IPO11: variants seen among roughly 807,000 people sequenced by gnomAD.
The protein encoded by IPO11 is importin-11.
IPO11 carries 66 observed loss-of-function variants against 143.2 expected under a neutral mutation model. The ratio of observed to expected loss-of-function variants is 0.46; its 90% CI spans 0.38 to 0.57. IPO11 has a LOEUF of 0.57. Ranked by LOEUF, IPO11 falls within the 20% of genes least tolerant of loss-of-function variation. IPO11 has a pLI of 0.00. For synonymous variants in IPO11, 385 were observed against 377.8 expected, an observed-to-expected ratio of 1.02 and a Z score of -0.22; for missense variants, 1,026 against 1,141.0, an observed-to-expected ratio of 0.90 and a Z score of 1.45.
chr5:62,543,672 T>G (rs1347967600), intron 24 of IPO11, among the ~76,000 whole-genome samples: 1 of 152,194 alleles, frequency 6.6e-6, no homozygotes, highest in African/African-American at 2.4e-5. Flanking sequence ...GGGTTTTTTG[T>G]GTCTCTATTT....
At chr5:62,519,420 A>G (rs1017865772) in intron 20 of IPO11, among the ~76,000 whole-genome samples, 8 of 152,104 alleles carry the variant, frequency 5.3e-5, no homozygotes, top group African/African-American at 1.7e-4. Flanking sequence ...TTCTCACTCT[A>G]ACATATTGTT....
At position 62,457,077 on chromosome 5, in the gene IPO11, C is replaced by T. The variant is rs115413607; in HGVS notation, c.516+5144C>T. Among the ~76,000 whole-genome samples the T allele has an allele frequency of 7.2e-3, 1,097 of 152,220 alleles. 14 individuals are homozygous for T. Among genetic ancestry groups the T allele is most frequent in the African/African-American group, 0.025 (1,032 of 41,526 alleles). On this transcript the variant is annotated intron_variant, in intron 5 of 29. Coordinates refer to ENST00000325324, the MANE Select transcript of IPO11 (RefSeq NM_016338.5). ...CCTGGGCAACAGAGCAAGACTCTGT[C>T]TCTGGGGTGGGGGGGAAAATATCTG... is the stretch of plus-strand genomic sequence containing the variant.
At chr5:62,431,934 C>CACATACATACATACATACATACAT (rs57913836) in intron 1 of IPO11, among the ~76,000 whole-genome samples, 20 of 148,686 alleles carry the variant, frequency 1.3e-4, no homozygotes, top group African/African-American at 5.0e-4. Context: ...GAGCAAGACT[C>CACATACATACATACATACATACAT]ACATACATAC....
intron 27 of IPO11, 87 bp from the exon 28 acceptor site, chr5:62,591,489 CA>C: frequency 1.4e-6 from 1 of 701,872 alleles, no homozygotes; most frequent in Non-Finnish European, 2.3e-6. Flanking sequence ...AATTTCTCTT[CA>C]TGTTCGAGAA....
Position 62,559,929 on chromosome 5 carries a change from AAAAAAAAAAAAAAG to A in IPO11, c.2461-1205_2461-1192del, listed in dbSNP as rs1375171026. Among the ~76,000 whole-genome samples, 146 of 147,150 alleles carry A rather than the reference AAAAAAAAAAAAAAG, an allele frequency of 9.9e-4. 2 individuals are homozygous for A. Among genetic ancestry groups the A allele is most frequent in the African/African-American group, 3.3e-3 (132 of 39,718 alleles). On this transcript the variant is annotated intron_variant, in intron 26 of 29. Transcript: ENST00000325324. Reference sequence around the variant, plus strand: ...GAAACTCTGTCTCAAAAAAAAAAAAAAAAAAAAAAAAAAGAGAGAGAAAAACAACTCTTAATTTG... The same window carrying A: ...GAAACTCTGTCTCAAAAAAAAAAAAAAGAGAGAAAAACAACTCTTAATTTG...
At chr5:62,447,874 C>G (rs1024509512) in intron 3 of IPO11, among the ~76,000 whole-genome samples, 1 of 151,918 alleles carries the variant, frequency 6.6e-6, no homozygotes, top group African/African-American at 2.4e-5. Context: ...GTCACCACGC[C>G]CAGCTAAATT....
intron 20 of IPO11, among the ~76,000 whole-genome samples, chr5:62,522,999 A>C (rs1031617781): frequency 1.1e-4 from 16 of 152,124 alleles, no homozygotes; most frequent in Non-Finnish European, 2.1e-4. Flanking sequence ...ACACACACAC[A>C]CCTCTCAAAA....
chr5:62,448,692 A>G (rs1744802713), intron 3 of IPO11, among the ~76,000 whole-genome samples: 1 of 152,044 alleles, frequency 6.6e-6, no homozygotes, highest in Non-Finnish European at 1.5e-5. Context: ...CTCAGACTAC[A>G]GGTGTATGCC....
intron 27 of IPO11, among the ~76,000 whole-genome samples, chr5:62,582,488 TAG>T (rs1429800041): frequency 1.3e-5 from 2 of 152,058 alleles, no homozygotes; most frequent in African/African-American, 4.8e-5. Context: ...AGGTTCTTAT[TAG>T]ATCTCCACAT....
chr5:62,594,875 G>A (rs1745159025), intron 28 of IPO11, among the ~76,000 whole-genome samples: 1 of 152,314 alleles, frequency 6.6e-6, no homozygotes, highest in South Asian at 2.1e-4. Context: ...TTAAGGATAT[G>A]TAGTGGATTG....
At chr5:62,492,029 G>A (rs1176935554) in intron 15 of IPO11, among the ~76,000 whole-genome samples, 1 of 152,166 alleles carries the variant, frequency 6.6e-6, no homozygotes, top group Non-Finnish European at 1.5e-5. Flanking sequence ...CAAAGCTGAT[G>A]TAGACCAGTG....
At chr5:62,504,789 A>G in intron 17 of IPO11, 69 bp from the exon 18 acceptor site, 1 of 1,329,052 alleles carries the variant, frequency 7.5e-7, no homozygotes, top group Non-Finnish European at 1.0e-6. Context: ...ATTTATGTAT[A>G]CTTGTTTTAG....
intron 1 of IPO11, among the ~76,000 whole-genome samples, chr5:62,417,981 A>T (rs900052779): frequency 6.6e-6 from 1 of 152,072 alleles, no homozygotes; most frequent in African/African-American, 2.4e-5. Flanking sequence ...CCAACTCTCC[A>T]ACTAGCCATT....
chr5:62,624,980 C>CAAAAAAAAAAAAAAAAAAAAAA (rs141431600), intron 29 of IPO11, among the ~76,000 whole-genome samples: 1 of 89,716 alleles, frequency 1.1e-5, no homozygotes, highest in Non-Finnish European at 2.2e-5. Context: ...GCGAGAGACT[C>CAAAAAAAAAAAAAAAAAAAAAA]AAAAAAAAAA....
rs567466977 is a variant in IPO11 at position 62,535,055 on chromosome 5, G to A, written c.2090-1647G>A. Among the ~76,000 whole-genome samples, 62 of 79,078 alleles carry A rather than the reference G, an allele frequency of 7.8e-4. 1 individual carries two copies. The highest frequency in any genetic ancestry group is 2.9e-3 in the African/African-American group (56 of 19,070). The allele number at this position is 79,078 out of a possible 152,430, so 51.9% of individuals were successfully genotyped here. A position where few individuals can be genotyped will look rare whatever the true frequency, so the allele number is the denominator to read the frequency against. On this transcript the variant is annotated intron_variant, in intron 22 of 29. Coordinates refer to ENST00000325324, the MANE Select transcript of IPO11 (RefSeq NM_016338.5). ...TATTTATTTATTTATTTATTTATTTGATGATGATAACATGCCCAAGAAAAT... is the reference window on the plus strand; with the variant it reads ...TATTTATTTATTTATTTATTTATTTAATGATGATAACATGCCCAAGAAAAT...
chr5:62,619,669 C>A (rs1316961107), intron 29 of IPO11, among the ~76,000 whole-genome samples: 1 of 151,876 alleles, frequency 6.6e-6, no homozygotes, highest in African/African-American at 2.4e-5. Flanking sequence ...CTGGTTAACA[C>A]GGTGAAACCC....
At chr5:62,567,558 C>CTTTTTTTT (rs34740276) in intron 27 of IPO11, among the ~76,000 whole-genome samples, 2 of 70,188 alleles carry the variant, frequency 2.8e-5, no homozygotes, top group Admixed American at 2.2e-4. Flanking sequence ...CTTACATTTC[C>CTTTTTTTT]TTTTTTTTTT....
In IPO11 at chr5:62,470,095, T is replaced by C. The variant is rs551734011; in HGVS notation, c.650-155T>C. On this transcript the variant is annotated intron_variant, in intron 6 of 29. Transcript: ENST00000325324. ...AAGAACTAGACTTTAGTTCCATTTTTCCCACTAATTTCCCAGCCAAATGAC... is the reference window on the plus strand; with the variant it reads ...AAGAACTAGACTTTAGTTCCATTTTCCCCACTAATTTCCCAGCCAAATGAC... Among the ~76,000 whole-genome samples the C allele has an allele frequency of 2.6e-5, 4 of 152,328 alleles. No individual in the cohort carries two copies. The East Asian group carries it at 5.8e-4, about 22-fold the overall frequency.
intron 27 of IPO11, among the ~76,000 whole-genome samples, chr5:62,588,839 C>T (rs1397960562): frequency 6.6e-6 from 1 of 152,160 alleles, no homozygotes; most frequent in African/African-American, 2.4e-5. Context: ...GCAGTTGGAC[C>T]TCACTGCCAT....
Sources: gnomAD v4.1 joint callset for allele counts (sites outside exome capture counted in the v4.1 genomes callset) on GRCh38, gnomAD v4.1.1 for gene constraint, MANE v1.5 for transcripts, NCBI Gene and HGNC (gene_info 2026-07-23, HGNC 2026-07-21) for gene names.